MFSD2A: variants seen among roughly 807,000 people sequenced by gnomAD.
MFSD2A encodes MFSD2 lysolipid transporter A, lysophospholipid.
Under a neutral mutation model 64.7 loss-of-function variants are expected in MFSD2A, and 27 were observed. That is an observed-to-expected ratio of 0.42 (90% CI 0.31 to 0.58). The LOEUF (loss-of-function observed/expected upper bound fraction) is 0.58, where lower values mean the gene tolerates loss of function less well. Among genes scored for constraint, MFSD2A ranks in the 20% least tolerant of loss-of-function variants. The pLI is 0.18. For missense variants in MFSD2A, 474 were observed against 679.5 expected (o/e 0.70, Z 3.36); for synonymous variants, 258 against 273.4 (o/e 0.94, Z 0.55).
At position 39,966,662 on chromosome 1, in the gene MFSD2A, T is replaced by A; in HGVS notation, c.776T>A (p.Ile259Asn). The A allele has an allele frequency of 6.2e-7, 1 of 1,614,068 alleles. No homozygotes were observed. The change falls in exon 7 of 14, where the codon ATC becomes AAC. Residue 259 changes from isoleucine to asparagine, a missense_variant. Transcript: ENST00000372811. ...IVCIYIICAV[I>N]LILGVREQRE... Reference sequence around the variant, plus strand: ...TGTATCTATATAATCTGTGCTGTCATCCTGATCCTGGGCGTGCGGGAGCAG... The same window carrying A: ...TGTATCTATATAATCTGTGCTGTCAACCTGATCCTGGGCGTGCGGGAGCAG...
chr1:39,968,221 C>G lies in MFSD2A; in HGVS notation c.1209-113C>G. The G allele has an allele frequency of 7.8e-7, 1 of 1,277,926 alleles. No individual in the cohort carries two copies. The allele number at this position is 1,277,926 out of a possible 1,614,324, so 79.2% of individuals were successfully genotyped here. On this transcript the variant is annotated intron_variant, in intron 11 of 13. Coordinates refer to ENST00000372811, the MANE Select transcript of MFSD2A (RefSeq NM_032793.5). The surrounding 1 kb of genome is among the most constrained non-coding windows in gnomAD (Gnocchi z 4.4). ...CTTATTCATGTGAAGGTCCCATATC[C>G]TCACTGAGCTGTGTACCCATGGTAC...
chr1:39,961,257 G>A (rs1484532201), intron 3 of MFSD2A, among the ~76,000 whole-genome samples: 3 of 147,474 alleles, frequency 2.0e-5, no homozygotes, highest in African/African-American at 7.6e-5. Context: ...GGGCCTCAGG[G>A]CAACCCCTGC....
At position 39,955,346 on chromosome 1, in the gene MFSD2A, C is replaced by T; in HGVS notation, c.54C>T (p.Thr18=). The part of the protein sequence containing the change: ...ESGSAAGLLP[T]SILQSTERPA... The stretch of plus-strand genomic sequence containing the variant: ...GCTCCGCGGCGGGGCTGCTACCCAC[C>T]AGCATCCTCCAAAGCACTGAACGCC... Residue 18 remains threonine, a synonymous_variant, in exon 1 of 14, where the codon ACC becomes ACT. Transcript: ENST00000372811. This position sits in a 1 kb window ranked among gnomAD's most constrained non-coding sequence, Gnocchi z 5.9. 1 of 1,463,232 alleles carries T rather than the reference C, an allele frequency of 6.8e-7. No homozygotes were observed. Among genetic ancestry groups the T allele is most frequent in the Non-Finnish European group, 9.0e-7 (1 of 1,106,436 alleles). 90.6% of individuals were successfully genotyped at this position (1,463,232 alleles called of 1,614,324 possible).
At chr1:39,966,733 C>G (rs1245342544) in intron 7 of MFSD2A, 42 bp downstream of exon 7, 1 of 1,613,130 alleles carries the variant, frequency 6.2e-7, no homozygotes, top group Admixed American at 1.7e-5. Context: ...TCAGCATGGA[C>G]AGCTGTATCT....
rs977171722 is a variant in MFSD2A, at chr1:39,967,389, G to T, written c.1011+220G>T. The T allele has an allele frequency of 1.9e-5, 12 of 626,892 alleles. No homozygotes were observed. In the Admixed American group the frequency reaches 2.6e-4, roughly 14 times the overall value. 38.8% of individuals were successfully genotyped at this position (626,892 alleles called of 1,614,324 possible). On this transcript the variant is annotated intron_variant, in intron 9 of 13. Transcript: ENST00000372811. The stretch of plus-strand genomic sequence containing the variant: ...AGTAGTGAGCACAGCAAAAGCAAGG[G>T]CGAGGACACCAGGAACTTGGCTCAG...
rs767862601 is a variant in MFSD2A, at chr1:39,957,110, A to T, written c.117A>T (p.Gln39His). 8.7e-6 allele frequency: 14 copies of T among 1,614,104 alleles called. No individual in the cohort carries two copies. The African/African-American group carries it at 1.6e-4, about 18-fold the overall frequency. ...AGAAAGAACCGAAAAAGAAGAAACA[A>T]CAGTTGTCTGTTTGCAACAAGCTTT... ...QVKKEPKKKK[Q>H]QLSVCNKLCY... is the part of the protein sequence containing the mutation. The change falls in exon 2 of 14, where the codon CAA (glutamine) becomes CAT (histidine). Residue 39 changes from glutamine (Q) to histidine (H), a missense_variant. Physicochemically the swap from Gln to His is conservative, Grantham distance 24. Coordinates refer to ENST00000372811, the MANE Select transcript of MFSD2A (RefSeq NM_032793.5).
Position 39,966,850 on chromosome 1 carries a change from T to A in MFSD2A, c.845T>A (p.Phe282Tyr). 6.2e-7 allele frequency: 1 copy of A among 1,613,994 alleles called. No homozygotes were observed. Among genetic ancestry groups the A allele is most frequent in the South Asian group, 1.1e-5 (1 of 91,086 alleles). Reference protein sequence around the residue: ...EAQQSEPIAYFRGLRLVMSHG... With the variant: ...EAQQSEPIAYYRGLRLVMSHG... ...CAGCAGTCTGAGCCAATCGCCTACT[T>A]CCGGGGCCTACGGCTGGTCATGAGC... is the stretch of plus-strand genomic sequence containing the variant. Residue 282 changes from phenylalanine to tyrosine, a missense_variant, in exon 8 of 14, where the codon TTC becomes TAC. By Grantham distance (22) the Phe-to-Tyr change is conservative (BLOSUM62 3). Transcript: ENST00000372811.
rs969492802 is a variant in MFSD2A, at chr1:39,958,330, C to T, written c.229-371C>T. On this transcript the variant is annotated intron_variant, in intron 2 of 13. Transcript: ENST00000372811. This position sits in a 1 kb window ranked among gnomAD's most constrained non-coding sequence, Gnocchi z 4.7. ...TTATACAGATGGGAACACTGAAGCA[C>T]ACTGTGTTCACCCCGTGAATGCTCA... Among the ~76,000 whole-genome samples, 3 of 152,140 alleles carry T rather than the reference C, an allele frequency of 2.0e-5. No homozygotes were observed. The highest frequency in any genetic ancestry group is 7.2e-5 in the African/African-American group (3 of 41,426).
At position 39,958,762 on chromosome 1, in the gene MFSD2A, A is replaced by G; in HGVS notation, c.290A>G (p.Asp97Gly). ...GGCCGAGCCTGGGATGCCATCACAG[A>G]CCCCCTGGTGGGCCTCTGCATCAGC... ...FVGRAWDAITDPLVGLCISKS... is the reference protein window; with the variant it reads ...FVGRAWDAITGPLVGLCISKS... Residue 97 changes from aspartate to glycine, a missense_variant, in exon 3 of 14, where the codon GAC becomes GGC. By Grantham distance (94) the Asp-to-Gly change is moderately conservative (BLOSUM62 -1). Transcript: ENST00000372811. The surrounding 1 kb of genome is among the most constrained non-coding windows in gnomAD (Gnocchi z 4.7). 1 of 1,613,734 alleles carries G rather than the reference A, an allele frequency of 6.2e-7. No homozygotes were observed. The highest frequency in any genetic ancestry group is 8.5e-7 in the Non-Finnish European group (1 of 1,179,908).
chr1:39,961,653 C>T (rs1467248663), intron 3 of MFSD2A, among the ~76,000 whole-genome samples: 1 of 151,208 alleles, frequency 6.6e-6, no homozygotes, highest in Non-Finnish European at 1.5e-5. Context: ...GGCCCTTTTC[C>T]TTTTTTCTGA....
At position 39,955,370 on chromosome 1, in the gene MFSD2A, C is replaced by T; in HGVS notation, c.78C>T (p.Arg26=). Residue 26 remains arginine (R), a synonymous_variant, in exon 1 of 14, where the codon CGC becomes CGT. Coordinates refer to ENST00000372811, the MANE Select transcript of MFSD2A (RefSeq NM_032793.5). The surrounding 1 kb of genome is among the most constrained non-coding windows in gnomAD (Gnocchi z 5.9). The part of the protein sequence containing the change: ...LPTSILQSTE[R]PAQVKKEPKK... The stretch of plus-strand genomic sequence containing the variant: ...CCAGCATCCTCCAAAGCACTGAACG[C>T]CCGGCCCAGGTGAAGGTGAGGGCCC... 6.7e-7 allele frequency: 1 copy of T among 1,495,622 alleles called. No individual in the cohort carries two copies. Among genetic ancestry groups the T allele is most frequent in the African/African-American group, 1.4e-5 (1 of 70,550 alleles). 92.6% of individuals were successfully genotyped at this position (1,495,622 alleles called of 1,614,324 possible). A position where few individuals can be genotyped will look rare whatever the true frequency, so the allele number is the denominator to read the frequency against.
chr1:39,966,921 T>G lies in MFSD2A; in HGVS notation c.916T>G (p.Leu306Val), dbSNP rs1367057851. Residue 306 changes from leucine to valine, a missense_variant, in exon 8 of 14, where the codon TTG becomes GTG. Physicochemically the swap from Leu to Val is conservative, Grantham distance 32 (BLOSUM62 1). Coordinates refer to ENST00000372811, the MANE Select transcript of MFSD2A (RefSeq NM_032793.5). ...TATTACTGGCTTCCTCTTCACCTCC[T>G]TGGCTTTCATGGTGAGTGGGTTCTG... ...KLITGFLFTSLAFMLVEGNFV... is the reference protein window; with the variant it reads ...KLITGFLFTSVAFMLVEGNFV... 2 of 1,613,204 alleles carry G rather than the reference T, an allele frequency of 1.2e-6. No homozygotes were observed. The highest frequency in any genetic ancestry group is 1.7e-5 in the Admixed American group (1 of 59,996).
At chr1:39,966,154 A>T in intron 6 of MFSD2A, 140 bp downstream of exon 6, 4 of 992,802 alleles carry the variant, frequency 4.0e-6, no homozygotes, top group Non-Finnish European at 4.4e-6. Flanking sequence ...TGCACCCAAT[A>T]TACCTACTTT....
chr1:39,966,669 C>A lies in MFSD2A; in HGVS notation c.783C>A (p.Ile261=). 6.2e-7 allele frequency: 1 copy of A among 1,614,028 alleles called. No homozygotes were observed. The highest frequency in any genetic ancestry group is 8.5e-7 in the Non-Finnish European group (1 of 1,179,982). Residue 261 remains isoleucine, a synonymous_variant, in exon 7 of 14, where the codon ATC becomes ATA. Transcript: ENST00000372811. The part of the protein sequence containing the change: ...CIYIICAVIL[I]LGVREQREPY... ...ATATAATCTGTGCTGTCATCCTGATCCTGGGCGTGCGGGAGCAGAGAGGTA... is the reference window on the plus strand; with the variant it reads ...ATATAATCTGTGCTGTCATCCTGATACTGGGCGTGCGGGAGCAGAGAGGTA...
At position 39,957,615 on chromosome 1, in the gene MFSD2A, T is replaced by A. The variant is rs1053678728; in HGVS notation, c.228+394T>A. On this transcript the variant is annotated intron_variant, in intron 2 of 13. Coordinates refer to ENST00000372811, the MANE Select transcript of MFSD2A (RefSeq NM_032793.5). ...TGGTGGCTGTTGCCAGGCTTGTGGA[T>A]GAGATGCATCCCACCTTTACCTGAG... 2.2e-4 allele frequency among the ~76,000 whole-genome samples: 33 copies of A among 152,284 alleles called. 1 individual carries two copies. Among genetic ancestry groups the A allele is most frequent in the African/African-American group, 7.7e-4 (32 of 41,564 alleles).
At position 39,968,070 on chromosome 1, in the gene MFSD2A, G is replaced by A; in HGVS notation, c.1208+154G>A. 2 of 640,164 alleles carry A rather than the reference G, an allele frequency of 3.1e-6. No individual in the cohort carries two copies. The highest frequency in any genetic ancestry group is 1.8e-5 in the African/African-American group (1 of 54,606). The allele number at this position is 640,164 out of a possible 1,614,324, so 39.7% of individuals were successfully genotyped here. ...GAGGTCTGTCCTGTACAGTTGTACA[G>A]GTAGTGAGCTTTGCAAGAACACCTA... On this transcript the variant is annotated intron_variant, in intron 11 of 13. Transcript: ENST00000372811. This position sits in a 1 kb window ranked among gnomAD's most constrained non-coding sequence, Gnocchi z 4.4.
chr1:39,956,466 T>C (rs922075217), intron 1 of MFSD2A, among the ~76,000 whole-genome samples: 2 of 151,992 alleles, frequency 1.3e-5, no homozygotes, highest in African/African-American at 4.8e-5. Context: ...GATTTTCAGG[T>C]TGTGGCAGCT....
Position 39,968,164 on chromosome 1 carries a change from G to A in MFSD2A, c.1209-170G>A. ...TTGCCACGCTGAGCACCTCCAGGCA[G>A]GGTTACTTCCTCTTAGAGCAAGAGG... On this transcript the variant is annotated intron_variant, in intron 11 of 13. Coordinates refer to ENST00000372811, the MANE Select transcript of MFSD2A (RefSeq NM_032793.5). This position sits in a 1 kb window ranked among gnomAD's most constrained non-coding sequence, Gnocchi z 4.4. 1 of 797,088 alleles carries A rather than the reference G, an allele frequency of 1.3e-6. No homozygotes were observed. Among genetic ancestry groups the A allele is most frequent in the Non-Finnish European group, 2.0e-6 (1 of 512,010 alleles). The allele number at this position is 797,088 out of a possible 1,614,324, so 49.4% of individuals were successfully genotyped here.
chr1:39,962,554 A>ATGACAC (rs1645066705), intron 3 of MFSD2A: 1 of 598,208 alleles, frequency 1.7e-6, no homozygotes, highest in South Asian at 2.0e-5. Flanking sequence ...CAAATGGCGG[A>ATGACAC]TGACACTGGT....
Sources: gnomAD v4.1 joint callset for allele counts (sites outside exome capture counted in the v4.1 genomes callset) on GRCh38, gnomAD v4.1.1 for gene constraint, Gnocchi (gnomAD v3.1) non-coding constraint, MANE v1.5 for transcripts, NCBI Gene and HGNC (gene_info 2026-07-23, HGNC 2026-07-21) for gene names.